The following ZKSCAN4 variants were observed in gnomAD, a reference collection of about 807,000 sequenced individuals.
ZKSCAN4 encodes zinc finger protein with KRAB and SCAN domains 4.
Under a neutral mutation model 30.8 loss-of-function variants are expected in ZKSCAN4, and 23 were observed. The observed-to-expected ratio is 0.75, with a 90% CI of 0.54 to 1.06. The LOEUF is 1.06. Ranked by LOEUF, ZKSCAN4 falls within the 50% of genes least tolerant of loss-of-function variation. The pLI, the probability that ZKSCAN4 is intolerant of heterozygous loss-of-function variation, is 0.00. For missense variants in ZKSCAN4, 556 were observed against 665.4 expected (o/e 0.84, Z 1.81); for synonymous variants, 208 against 252.5 (o/e 0.82, Z 1.67).
the ZKSCAN4 span, among the ~76,000 whole-genome samples, chr6:28,258,674 G>C: frequency 3.0e-4 from 46 of 151,718 alleles, no homozygotes; most frequent in Admixed American, 9.9e-4. Context: ...CCAGCTCCTC[G>C]GGAGGATCTC....
rs1760888307 is a variant in ZKSCAN4, at chr6:28,249,373, T to C, written c.571+314A>G. Among the ~76,000 whole-genome samples the C allele has an allele frequency of 1.3e-5, 2 of 152,314 alleles. No homozygotes were observed. Among genetic ancestry groups the C allele is most frequent in the Admixed American group, 1.3e-4 (2 of 15,298 alleles). ...GCAAGAATTCTGTCTTATTGGTGGC[T>C]CTCTCCCCAGTGCCTACAACACTGG... On this transcript the variant is annotated intron_variant, in intron 2 of 4. Coordinates refer to ENST00000377294, the MANE Select transcript of ZKSCAN4 (RefSeq NM_019110.5). The surrounding 1 kb of genome is among the most constrained non-coding windows in gnomAD (Gnocchi z 4.1).
chr6:28,251,817 C>T lies in ZKSCAN4; in HGVS notation c.164G>A (p.Arg55His), dbSNP rs1462405124. ...PARGPERSRQ[R>H]FRGFRYPEAA... is the part of the protein sequence containing the mutation. ...CTCCGGGTAGCGGAAGCCTCGGAAGCGCTGGCGGGAGCGTTCGGGGCCCCG... is the reference window on the plus strand; with the variant it reads ...CTCCGGGTAGCGGAAGCCTCGGAAGTGCTGGCGGGAGCGTTCGGGGCCCCG... The change falls in exon 1 of 5, where the codon CGC becomes CAC. Residue 55 changes from arginine (R) to histidine (H), a missense_variant. Physicochemically the swap from Arg to His is conservative, Grantham distance 29. This residue lies in a region of ZKSCAN4 where 115 missense variants were observed against 125.9 expected (regional missense o/e 0.91). Coordinates refer to ENST00000377294, the MANE Select transcript of ZKSCAN4 (RefSeq NM_019110.5). This position sits in a 1 kb window ranked among gnomAD's most constrained non-coding sequence, Gnocchi z 4.5. 1.9e-6 allele frequency: 3 copies of T among 1,612,362 alleles called. No individual in the cohort carries two copies. The highest frequency in any genetic ancestry group is 1.1e-5 in the South Asian group (1 of 91,012).
the ZKSCAN4 span, among the ~76,000 whole-genome samples, chr6:28,258,768 CAAAAA>C: frequency 8.4e-5 from 12 of 142,498 alleles, no homozygotes; most frequent in Non-Finnish European, 1.1e-4. Flanking sequence ...ATCCTGTCTC[CAAAAA>C]AAAAAAAAAA....
chr6:28,254,951 T>G (rs1761137090), upstream of ZKSCAN4, among the ~76,000 whole-genome samples: 1 of 152,240 alleles, frequency 6.6e-6, no homozygotes, highest in Admixed American at 6.5e-5. Context: ...GTGCCCTGAT[T>G]ATAGATATGT....
rs1760672138 is a variant in ZKSCAN4, at chr6:28,245,509, C to T, written c.1245G>A (p.Gln415=). Residue 415 remains glutamine (Q), a synonymous_variant, in exon 5 of 5, where the codon CAG becomes CAA. Coordinates refer to ENST00000377294, the MANE Select transcript of ZKSCAN4 (RefSeq NM_019110.5). ...TGTGATGTTCAAGGAGGCTGCAGCT[C>T]TGGCTGAAGGTCTTCCCACAGTCAT... ...ECDDCGKTFS[Q]SCSLLEHHKI... 6.2e-7 allele frequency: 1 copy of T among 1,614,186 alleles called. No homozygotes were observed. The highest frequency in any genetic ancestry group is 1.7e-5 in the Admixed American group (1 of 60,026).
chr6:28,252,116 C>A lies in ZKSCAN4; in HGVS notation c.-136G>T. Reference sequence around the variant, plus strand: ...GTCATGCCCAGGGGCCCAGGACACCCCCTGAGGCGCAGCTGCACAGATCTC... The same window carrying A: ...GTCATGCCCAGGGGCCCAGGACACCACCTGAGGCGCAGCTGCACAGATCTC... On this transcript the variant is annotated 5_prime_UTR_variant, in exon 1 of 5. Coordinates refer to ENST00000377294, the MANE Select transcript of ZKSCAN4 (RefSeq NM_019110.5). The A allele has an allele frequency of 1.1e-6, 1 of 901,786 alleles. No individual in the cohort carries two copies. Among genetic ancestry groups the A allele is most frequent in the South Asian group, 2.0e-5 (1 of 51,246 alleles). The allele number at this position is 901,786 out of a possible 1,614,324, so 55.9% of individuals were successfully genotyped here. A position where few individuals can be genotyped will look rare whatever the true frequency, so the allele number is the denominator to read the frequency against.
chr6:28,247,099 C>T lies in ZKSCAN4; in HGVS notation c.655-7G>A, dbSNP rs1760771625. 1.9e-6 allele frequency: 3 copies of T among 1,604,204 alleles called. No homozygotes were observed. Among genetic ancestry groups the T allele is most frequent in the East Asian group, 2.2e-5 (1 of 44,652 alleles). ...CTTCCATTTTCAGCAAACCCTAAAA[C>T]AATAGGTAGTCCTAACTAGCTCCTC... On this transcript the variant is annotated splice_polypyrimidine_tract_variant and splice_region_variant and intron_variant, in intron 3 of 4. Transcript: ENST00000377294.
intron 4 of ZKSCAN4, among the ~76,000 whole-genome samples, chr6:28,246,765 A>T (rs1224870306): frequency 6.6e-6 from 1 of 152,044 alleles, no homozygotes; most frequent in Non-Finnish European, 1.5e-5. Flanking sequence ...ATTTCACCCC[A>T]CTTATCCTAA....
chr6:28,248,867 G>A (rs556319006), intron 2 of ZKSCAN4, among the ~76,000 whole-genome samples: 1 of 151,576 alleles, frequency 6.6e-6, no homozygotes, highest in South Asian at 2.1e-4. Flanking sequence ...AGAAAAACTA[G>A]GAGGAGTCAA....
rs1416366647 is a variant in ZKSCAN4 at position 28,243,654 on chromosome 6, ATTTTC to A, written c.*1457_*1461del. 1.3e-4 allele frequency among the ~76,000 whole-genome samples: 20 copies of A among 149,800 alleles called. No homozygotes were observed. In the East Asian group the frequency reaches 1.8e-3, roughly 13 times the overall value. ...TCCCAATGTGCTTCTGAACAGACAC[ATTTTC>A]TTTTCTTTTTTTTTTTTCTTTTTGA... On this transcript the variant is annotated 3_prime_UTR_variant, in exon 5 of 5. Coordinates refer to ENST00000377294, the MANE Select transcript of ZKSCAN4 (RefSeq NM_019110.5).
In ZKSCAN4 at chr6:28,243,210, A is replaced by T. The variant is rs989703469; in HGVS notation, c.*1906T>A. The stretch of plus-strand genomic sequence containing the variant: ...TCTACAGAACTTTGGAATTCTAAAG[A>T]AGTTTTAAATTAGACTGAAAAGGAG... On this transcript the variant is annotated 3_prime_UTR_variant, in exon 5 of 5. Coordinates refer to ENST00000377294, the MANE Select transcript of ZKSCAN4 (RefSeq NM_019110.5). Among the ~76,000 whole-genome samples the T allele has an allele frequency of 6.6e-6, 1 of 152,260 alleles. No homozygotes were observed. The highest frequency in any genetic ancestry group is 1.5e-5 in the Non-Finnish European group (1 of 68,056).
At chr6:28,250,030 C>T (rs1760921435) in intron 1 of ZKSCAN4, among the ~76,000 whole-genome samples, 196 bp from the exon 2 acceptor site, 1 of 151,360 alleles carries the variant, frequency 6.6e-6, no homozygotes, top group Non-Finnish European at 1.5e-5. Flanking sequence ...GATCCTCTCT[C>T]CTGAGTGGAC....
intron 2 of ZKSCAN4, among the ~76,000 whole-genome samples, chr6:28,248,826 CAAAA>C (rs1208495527): frequency 2.0e-5 from 1 of 51,032 alleles, no homozygotes; most frequent in African/African-American, 5.8e-5. Flanking sequence ...ACCCCCATCT[CAAAA>C]AAAAAAAAAA....
Position 28,241,786 on chromosome 6 carries a change from A to G in ZKSCAN4, c.*3330T>C, listed in dbSNP as rs758923982. Among the ~76,000 whole-genome samples the G allele has an allele frequency of 2.6e-5, 4 of 152,140 alleles. No individual in the cohort carries two copies. The highest frequency in any genetic ancestry group is 6.5e-5 in the Admixed American group (1 of 15,276). ...TTCCATTAACAAAGTGTTAATCTCC[A>G]TTTCTCTACCAGTTAGCAACATTTT... is the stretch of plus-strand genomic sequence containing the variant. On this transcript the variant is annotated 3_prime_UTR_variant, in exon 5 of 5. Transcript: ENST00000377294.
At position 28,243,061 on chromosome 6, in the gene ZKSCAN4, A is replaced by C. The variant is rs1367508044; in HGVS notation, c.*2055T>G. Among the ~76,000 whole-genome samples, 3 of 152,240 alleles carry C rather than the reference A, an allele frequency of 2.0e-5. No individual in the cohort carries two copies. The highest frequency in any genetic ancestry group is 4.4e-5 in the Non-Finnish European group (3 of 68,048). On this transcript the variant is annotated 3_prime_UTR_variant, in exon 5 of 5. Coordinates refer to ENST00000377294, the MANE Select transcript of ZKSCAN4 (RefSeq NM_019110.5). ...AGTTTGAGTGTGTAAAATCAGAGCT[A>C]TTTAGCAAATATTTAGGAGAAGTGA...
upstream of ZKSCAN4, among the ~76,000 whole-genome samples, chr6:28,254,693 C>T (rs1454227202): frequency 1.3e-5 from 2 of 152,222 alleles, no homozygotes; most frequent in African/African-American, 4.8e-5. Context: ...TCTCTGGATA[C>T]CATATCTAAA....
At chr6:28,247,668 C>T (rs1233710) in intron 3 of ZKSCAN4, among the ~76,000 whole-genome samples, 19,322 of 152,190 alleles carry the variant, frequency 0.13, 1,961 homozygotes, top group East Asian at 0.34. Context: ...GGGCAAGGGC[C>T]AGGCCTTTAT....
Position 28,251,809 on chromosome 6 carries a change from C to T in ZKSCAN4, c.172G>A (p.Gly58Ser), listed in dbSNP as rs1356268318. Residue 58 changes from glycine to serine, a missense_variant, in exon 1 of 5, where the codon GGC becomes AGC. Physicochemically the swap from Gly to Ser is moderately conservative, Grantham distance 56. Transcript: ENST00000377294. This position sits in a 1 kb window ranked among gnomAD's most constrained non-coding sequence, Gnocchi z 4.5. ...CCCGCAGCCTCCGGGTAGCGGAAGC[C>T]TCGGAAGCGCTGGCGGGAGCGTTCG... ...GPERSRQRFR[G>S]FRYPEAAGPR... 1.2e-6 allele frequency: 2 copies of T among 1,612,932 alleles called. No homozygotes were observed. The highest frequency in any genetic ancestry group is 1.7e-6 in the Non-Finnish European group (2 of 1,179,276).
At chr6:28,258,972 A>C in the ZKSCAN4 span, among the ~76,000 whole-genome samples, 7 of 152,146 alleles carry the variant, frequency 4.6e-5, no homozygotes, top group East Asian at 1.4e-3. Context: ...GGTAGTAGGG[A>C]TCTTCCACAG....
Sources: allele counts gnomAD v4.1 joint callset (sites outside exome capture counted in the v4.1 genomes callset), GRCh38; gene constraint gnomAD v4.1.1; regional missense constraint gnomAD v4.1.1; non-coding constraint Gnocchi (gnomAD v3.1); transcripts MANE v1.5; gene names NCBI Gene and HGNC (gene_info 2026-07-23, HGNC 2026-07-21).